PVT1: variants seen among roughly 807,000 people sequenced by gnomAD.
The protein encoded by PVT1 is Pvt1 oncogene, also known as CXCR4/PVT1 fusion.
intron 2 of PVT1, among the ~76,000 whole-genome samples, chr8:127,845,703 A>G (rs28456278): frequency 0.036 from 5,438 of 152,294 alleles, 264 homozygotes; most frequent in East Asian, 0.14. Flanking sequence ...AATACATTAG[A>G]TATGCAGATG....
intron 2 of PVT1, among the ~76,000 whole-genome samples, chr8:127,796,541 C>T (rs1038290699): frequency 1.3e-5 from 2 of 152,132 alleles, no homozygotes; most frequent in African/African-American, 4.8e-5. Flanking sequence ...CCTGTGTTTG[C>T]CATGCCTGGG....
rs1814553243 is a variant in PVT1, at chr8:127,808,491, C to A, written n.372+12420C>A. 2.0e-5 allele frequency among the ~76,000 whole-genome samples: 3 copies of A among 152,128 alleles called. No individual in the cohort carries two copies. In the South Asian group the frequency reaches 6.2e-4, roughly 32 times the overall value. On this transcript the variant is annotated intron_variant and non_coding_transcript_variant, in intron 2 of 10. Transcript: ENST00000651587. ...CGTGTGGCTGGAAAGGAGTGAACGT[C>A]CAGGGTCCAGATGAACAGGTGTTTG...
intron 3 of PVT1, among the ~76,000 whole-genome samples, chr8:127,961,870 C>T (rs376182243): frequency 6.6e-6 from 1 of 152,216 alleles, no homozygotes; most frequent in East Asian, 1.9e-4. Context: ...TTTCTGGCTT[C>T]AACAATGACT....
chr8:127,989,989 A>G (rs1328922456), intron 4 of PVT1, among the ~76,000 whole-genome samples: 2 of 152,228 alleles, frequency 1.3e-5, no homozygotes, highest in African/African-American at 4.8e-5. Context: ...GCTGCCTTGC[A>G]CTGAGGAAGA....
intron 2 of PVT1, among the ~76,000 whole-genome samples, chr8:127,884,546 C>A (rs1382470576): frequency 2.0e-5 from 3 of 152,340 alleles, no homozygotes; most frequent in Admixed American, 2.0e-4. Context: ...TAGTGCAGAA[C>A]AGTTTCCCAA....
intron 2 of PVT1, among the ~76,000 whole-genome samples, chr8:127,853,578 C>T (rs934390258): frequency 5.3e-5 from 8 of 151,934 alleles, no homozygotes; most frequent in Admixed American, 2.6e-4. Flanking sequence ...GTCAGGAGTT[C>T]GAGACCAACC....
At chr8:127,928,537 T>A (rs1193807528) in intron 3 of PVT1, among the ~76,000 whole-genome samples, 1 of 152,270 alleles carries the variant, frequency 6.6e-6, no homozygotes, top group Non-Finnish European at 1.5e-5. Context: ...TGGACCATCT[T>A]GTCCCTGAAA....
chr8:127,950,207 C>T (rs758624737), intron 3 of PVT1, among the ~76,000 whole-genome samples: 7 of 152,236 alleles, frequency 4.6e-5, no homozygotes, highest in African/African-American at 1.2e-4. Context: ...GAATGCTAAC[C>T]GCAGAAAGCA....
chr8:128,011,126 A>G (rs1343842313), intron 4 of PVT1, among the ~76,000 whole-genome samples: 8 of 152,170 alleles, frequency 5.3e-5, no homozygotes, highest in East Asian at 1.9e-4. Context: ...GATGGCAACA[A>G]TCTTTAGACT....
At chr8:127,868,791 A>ACG (rs569823778) in intron 2 of PVT1, among the ~76,000 whole-genome samples, 21 of 34,884 alleles carry the variant, frequency 6.0e-4, no homozygotes, top group Non-Finnish European at 1.0e-3. Context: ...ATATATATAT[A>ACG]TACATATATA....
chr8:127,924,216 AT>A (rs1295092015), intron 3 of PVT1, among the ~76,000 whole-genome samples: 1 of 152,182 alleles, frequency 6.6e-6, no homozygotes, highest in Non-Finnish European at 1.5e-5. Flanking sequence ...TGCTGGTGTT[AT>A]TCCTTCACAT....
intron 4 of PVT1, among the ~76,000 whole-genome samples, chr8:128,019,297 T>G (rs1431957531): frequency 6.6e-6 from 1 of 152,210 alleles, no homozygotes; most frequent in African/African-American, 2.4e-5. Context: ...ATCTTAAAAA[T>G]TAATAATATA....
chr8:128,043,773 TACACAC>T (rs112991135), intron 4 of PVT1, among the ~76,000 whole-genome samples: 126 of 140,680 alleles, frequency 9.0e-4, no homozygotes, highest in Middle Eastern at 3.6e-3. Flanking sequence ...AACTATTTCC[TACACAC>T]ACACACACAC....
chr8:128,079,597 C>T (rs1814147051), intron 5 of PVT1, among the ~76,000 whole-genome samples: 1 of 152,142 alleles, frequency 6.6e-6, no homozygotes, highest in African/African-American at 2.4e-5. Flanking sequence ...CCTAAAATTC[C>T]CCTGTGCTTC....
At chr8:127,954,539 C>T (rs1234990470) in intron 3 of PVT1, among the ~76,000 whole-genome samples, 8 of 152,078 alleles carry the variant, frequency 5.3e-5, no homozygotes, top group African/African-American at 1.2e-4. Context: ...GTGATCCACC[C>T]GCCTCGGCCT....
intron 2 of PVT1, among the ~76,000 whole-genome samples, chr8:127,808,114 C>G (rs1393433840): frequency 1.3e-5 from 2 of 152,112 alleles, no homozygotes; most frequent in African/African-American, 4.8e-5. Flanking sequence ...GTGAAGCAAT[C>G]TCGGTTCACT....
intron 3 of PVT1, among the ~76,000 whole-genome samples, chr8:127,916,707 G>A (rs1815990007): frequency 1.3e-5 from 2 of 152,200 alleles, no homozygotes; most frequent in African/African-American, 2.4e-5. Context: ...GTGAGAAGCA[G>A]GGAGAACTGG....
At chr8:128,038,397 G>A (rs1479355160) in intron 4 of PVT1, among the ~76,000 whole-genome samples, 1 of 152,128 alleles carries the variant, frequency 6.6e-6, no homozygotes, top group African/African-American at 2.4e-5. Context: ...TGAGGTTGCC[G>A]CGGTGAACAG....
intron 4 of PVT1, among the ~76,000 whole-genome samples, chr8:128,005,610 C>T (rs149388413): frequency 1.3e-5 from 2 of 152,314 alleles, no homozygotes; most frequent in Non-Finnish European, 2.9e-5. Context: ...CATCCGGATG[C>T]ATCCAGTACT....
Sources: gnomAD v4.1 joint callset for allele counts (sites outside exome capture counted in the v4.1 genomes callset) on GRCh38, gnomAD v4.1.1 for gene constraint, MANE v1.5 for transcripts, NCBI Gene and HGNC (gene_info 2026-07-23, HGNC 2026-07-21) for gene names.